Variants in NGFR observed in about 807,000 individuals in gnomAD.
NGFR encodes nerve growth factor receptor.
Under a neutral mutation model 43.2 loss-of-function variants are expected in NGFR, and 30 were observed. The observed-to-expected ratio is 0.69, with a 90% CI of 0.52 to 0.94. NGFR has a LOEUF of 0.94. NGFR is among the 40% of genes least tolerant of loss of function. The probability of loss-of-function intolerance (pLI) is 0.00; values close to 1 mark genes in which losing one functional copy is unlikely to be tolerated. For synonymous variants in NGFR, 246 were observed against 259.6 expected, an observed-to-expected ratio of 0.95 and a Z score of 0.50; for missense variants, 529 against 602.5, an observed-to-expected ratio of 0.88 and a Z score of 1.28.
intron 3 of NGFR, 41 bp downstream of exon 3, chr17:49,506,699 G>GGGGGGGGGGGGGC: frequency 2.5e-6 from 1 of 402,094 alleles, no homozygotes; most frequent in Non-Finnish European, 4.3e-6. Flanking sequence ...GGGGTGCGGG[G>GGGGGGGGGGGGGC]GTGGGCTGGG....
At chr17:49,501,511 T>C (rs774264476) in intron 1 of NGFR, among the ~76,000 whole-genome samples, 8 of 152,242 alleles carry the variant, frequency 5.3e-5, no homozygotes, top group Non-Finnish European at 8.8e-5. Flanking sequence ...CTCTTGGGCA[T>C]GGACATCTTC....
At chr17:49,510,753 C>A in intron 4 of NGFR, 89 bp downstream of exon 4, 1 of 1,514,232 alleles carries the variant, frequency 6.6e-7, no homozygotes, top group Non-Finnish European at 9.0e-7. Flanking sequence ...ACATACACAC[C>A]CTTTTAACTC....
chr17:49,497,643 G>C (rs2071146539), intron 1 of NGFR: 1 of 152,254 alleles, frequency 6.6e-6, no homozygotes, highest in Non-Finnish European at 1.5e-5. Flanking sequence ...TTTCTTCCTG[G>C]GCCGCGGTGA....
At position 49,495,343 on chromosome 17, in the gene NGFR, C is replaced by G. The variant is rs1041870887; in HGVS notation, c.-75C>G. ...CCGGCGGGCAGGGGGGGCGCTGGAG[C>G]GCAGCGCAGCGCAGCCCCATCAGTC... On this transcript the variant is annotated 5_prime_UTR_variant, in exon 1 of 6. Transcript: ENST00000172229. The surrounding 1 kb of genome is among the most constrained non-coding windows in gnomAD (Gnocchi z 6.4). 17 of 1,080,480 alleles carry G rather than the reference C, an allele frequency of 1.6e-5. No individual in the cohort carries two copies. Among genetic ancestry groups the G allele is most frequent in the Non-Finnish European group, 2.0e-5 (17 of 870,202 alleles). The allele number at this position is 1,080,480 out of a possible 1,614,324, so 66.9% of individuals were successfully genotyped here. A position where few individuals can be genotyped will look rare whatever the true frequency, so the allele number is the denominator to read the frequency against.
Position 49,506,554 on chromosome 17 carries a change from C to T in NGFR, c.464C>T (p.Ser155Phe). 1 of 1,611,574 alleles carries T rather than the reference C, an allele frequency of 6.2e-7. No individual in the cohort carries two copies. Among genetic ancestry groups the T allele is most frequent in the East Asian group, 2.2e-5 (1 of 44,836 alleles). Residue 155 changes from serine to phenylalanine, a missense_variant, in exon 3 of 6, where the codon TCC becomes TTC. Transcript: ENST00000172229. ...VCEECPDGTY[S>F]DEANHVDPCL... Reference sequence around the variant, plus strand: ...GAGGAGTGCCCCGACGGCACGTATTCCGACGAGGCCAACCACGTGGACCCG... The same window carrying T: ...GAGGAGTGCCCCGACGGCACGTATTTCGACGAGGCCAACCACGTGGACCCG...
intron 1 of NGFR, chr17:49,497,631 A>G (rs2071146474): frequency 6.6e-6 from 1 of 152,150 alleles, no homozygotes; most frequent in African/African-American, 2.4e-5. Context: ...GCGCGGTCCG[A>G]GTTTCTTCCT....
Position 49,513,391 on chromosome 17 carries a change from C to T in NGFR, c.*382C>T, listed in dbSNP as rs1241636905. 4 of 221,894 alleles carry T rather than the reference C, an allele frequency of 1.8e-5. No individual in the cohort carries two copies. The Admixed American group carries it at 2.0e-4, about 11-fold the overall frequency. The allele number at this position is 221,894 out of a possible 1,614,324, so 13.7% of individuals were successfully genotyped here. A position where few individuals can be genotyped will look rare whatever the true frequency, so the allele number is the denominator to read the frequency against. On this transcript the variant is annotated 3_prime_UTR_variant, in exon 6 of 6. Transcript: ENST00000172229. ...GGTACTAGGGGGAAGTGACAAGGCCCCAGAGACTCAGAGGGAGGAATCGAG... is the reference window on the plus strand; with the variant it reads ...GGTACTAGGGGGAAGTGACAAGGCCTCAGAGACTCAGAGGGAGGAATCGAG...
intron 1 of NGFR, 64 bp from the exon 2 acceptor site, chr17:49,501,999 A>AGGGGGGGC: frequency 9.1e-6 from 3 of 330,984 alleles, no homozygotes; most frequent in Non-Finnish European, 1.8e-5. Context: ...TCCCCGGAAG[A>AGGGGGGGC]ACCCCCCCCA....
chr17:49,510,771 A>C (rs1391834218), intron 4 of NGFR, 107 bp downstream of exon 4: 4 of 1,402,650 alleles, frequency 2.9e-6, no homozygotes, highest in Non-Finnish European at 3.9e-6. Context: ...CTCAACCCCA[A>C]ACCAAGCTCA....
At chr17:49,496,904 G>A (rs2071141679) in intron 1 of NGFR, 2 of 152,232 alleles carry the variant, frequency 1.3e-5, no homozygotes, top group Non-Finnish European at 2.9e-5. Context: ...TGAACCGAAT[G>A]CCCTGGAAGG....
intron 1 of NGFR, among the ~76,000 whole-genome samples, chr17:49,500,836 CCT>C (rs11466127): frequency 0.011 from 1,666 of 152,298 alleles, 36 homozygotes; most frequent in African/African-American, 0.038. Flanking sequence ...CCCCCTGACT[CCT>C]CTGTTTCCTT....
chr17:49,502,018 C>CCCCCCCCCAAA, intron 1 of NGFR, 45 bp from the exon 2 acceptor site: 1 of 1,320,362 alleles, frequency 7.6e-7, no homozygotes, highest in Non-Finnish European at 1.0e-6. Flanking sequence ...CAACCCACCC[C>CCCCCCCCCAAA]AGCTTTCTCT....
At position 49,511,951 on chromosome 17, in the gene NGFR, C is replaced by T; in HGVS notation, c.881C>T (p.Pro294Leu). 6.2e-7 allele frequency: 1 copy of T among 1,613,436 alleles called. No individual in the cohort carries two copies. Among genetic ancestry groups the T allele is most frequent in the Admixed American group, 1.7e-5 (1 of 59,898 alleles). ...GANSRPVNQT[P>L]PPEGEKLHSD... ...AACAGCCGGCCAGTGAACCAGACGC[C>T]CCCACCAGAGGGAGAAAAACTCCAC... Residue 294 changes from proline (P) to leucine (L), a missense_variant, in exon 5 of 6, where the codon CCC (proline) becomes CTC (leucine). By Grantham distance (98) the Pro-to-Leu change is moderately conservative (BLOSUM62 -3). Transcript: ENST00000172229.
At chr17:49,504,418 G>A (rs577083806) in intron 2 of NGFR, among the ~76,000 whole-genome samples, 2 of 152,262 alleles carry the variant, frequency 1.3e-5, no homozygotes, top group East Asian at 3.9e-4. Context: ...TACCTCCAAA[G>A]TTCAATGTCC....
At position 49,512,148 on chromosome 17, in the gene NGFR, G is replaced by A; in HGVS notation, c.982+96G>A. ...TCCAGGAAGGACTGTCGGGGGGGCG[G>A]CAGGGCTGGCTCAGCGGTGCCCCTG... is the stretch of plus-strand genomic sequence containing the variant. On this transcript the variant is annotated intron_variant, in intron 5 of 5. Coordinates refer to ENST00000172229, the MANE Select transcript of NGFR (RefSeq NM_002507.4). This position sits in a 1 kb window ranked among gnomAD's most constrained non-coding sequence, Gnocchi z 5.2. 1 of 1,442,510 alleles carries A rather than the reference G, an allele frequency of 6.9e-7. No homozygotes were observed. The highest frequency in any genetic ancestry group is 9.3e-7 in the Non-Finnish European group (1 of 1,077,700). The allele number at this position is 1,442,510 out of a possible 1,614,324, so 89.4% of individuals were successfully genotyped here. A position where few individuals can be genotyped will look rare whatever the true frequency, so the allele number is the denominator to read the frequency against.
intron 4 of NGFR, 86 bp downstream of exon 4, chr17:49,510,750 C>T: frequency 1.3e-6 from 2 of 1,535,202 alleles, no homozygotes; most frequent in Admixed American, 1.7e-5. Flanking sequence ...AAAACATACA[C>T]ACCCTTTTAA....
chr17:49,501,999 A>AGGCGCCCCCCCCCCC, intron 1 of NGFR, 64 bp from the exon 2 acceptor site: 2 of 330,984 alleles, frequency 6.0e-6, no homozygotes, highest in Non-Finnish European at 1.2e-5. Flanking sequence ...TCCCCGGAAG[A>AGGCGCCCCCCCCCCC]ACCCCCCCCA....
intron 2 of NGFR, among the ~76,000 whole-genome samples, chr17:49,504,170 C>A (rs1027355481): frequency 1.3e-5 from 2 of 152,202 alleles, no homozygotes; most frequent in Non-Finnish European, 2.9e-5. Context: ...TAAGCCCCTG[C>A]CTTCATTCTC....
chr17:49,500,944 T>A (rs541244712), intron 1 of NGFR, among the ~76,000 whole-genome samples: 6 of 152,316 alleles, frequency 3.9e-5, no homozygotes, highest in Admixed American at 1.3e-4. Flanking sequence ...AGAAGCAGAA[T>A]GCCCAAAACA....
Sources: gnomAD v4.1 joint callset for allele counts (sites outside exome capture counted in the v4.1 genomes callset) on GRCh38, gnomAD v4.1.1 for gene constraint, Gnocchi (gnomAD v3.1) non-coding constraint, MANE v1.5 for transcripts, NCBI Gene and HGNC (gene_info 2026-07-23, HGNC 2026-07-21) for gene names.